The following ARFIP1 variants were observed in gnomAD, a reference collection of about 807,000 sequenced individuals.
The protein encoded by ARFIP1 is arfaptin-1.
ARFIP1 carries 24 observed loss-of-function variants against 42.5 expected under a neutral mutation model. The ratio of observed to expected loss-of-function variants is 0.57; its 90% CI spans 0.41 to 0.80. ARFIP1 has a LOEUF of 0.80. ARFIP1 is among the 30% of genes least tolerant of loss of function. The pLI, the probability that ARFIP1 is intolerant of heterozygous loss-of-function variation, is 0.00. For synonymous variants in ARFIP1, 141 were observed against 153.7 expected, an observed-to-expected ratio of 0.92 and a Z score of 0.61; for missense variants, 354 against 434.0, an observed-to-expected ratio of 0.82 and a Z score of 1.64.
intron 2 of ARFIP1, among the ~76,000 whole-genome samples, chr4:152,849,226 T>C (rs1379214089): frequency 6.6e-6 from 1 of 152,152 alleles, no homozygotes; most frequent in Non-Finnish European, 1.5e-5. Context: ...GTCTTAATTA[T>C]AATCTGAGAG....
At chr4:152,884,301 T>C (rs569260038) in intron 7 of ARFIP1, among the ~76,000 whole-genome samples, 1 of 152,128 alleles carries the variant, frequency 6.6e-6, no homozygotes, top group African/African-American at 2.4e-5. Context: ...AGTCTCAGTG[T>C]AAATCCTTTC....
At chr4:152,838,706 A>G (rs1459707946) in intron 2 of ARFIP1, among the ~76,000 whole-genome samples, 1 of 151,976 alleles carries the variant, frequency 6.6e-6, no homozygotes, top group Non-Finnish European at 1.5e-5. Context: ...TTTCGAGGTA[A>G]ACAATCATAT....
At chr4:152,815,987 G>T (rs901690687) in intron 1 of ARFIP1, among the ~76,000 whole-genome samples, 4 of 151,652 alleles carry the variant, frequency 2.6e-5, no homozygotes, top group Admixed American at 2.6e-4. Context: ...CTCGTGTTCC[G>T]CCCGCCTCAG....
chr4:152,830,467 A>G (rs1489019002), intron 2 of ARFIP1, among the ~76,000 whole-genome samples: 1 of 152,176 alleles, frequency 6.6e-6, no homozygotes, highest in Non-Finnish European at 1.5e-5. Flanking sequence ...ATTCCTTTTT[A>G]TGACATTTGA....
chr4:152,803,780 A>C (rs1475943001), intron 1 of ARFIP1, among the ~76,000 whole-genome samples: 1 of 151,722 alleles, frequency 6.6e-6, no homozygotes, highest in African/African-American at 2.4e-5. Flanking sequence ...GACAGCCCTA[A>C]TGATATAAAT....
At chr4:152,811,204 A>G (rs1578848846) in intron 1 of ARFIP1, among the ~76,000 whole-genome samples, 1 of 147,620 alleles carries the variant, frequency 6.8e-6, no homozygotes, top group Non-Finnish European at 1.5e-5. Context: ...TGTGCCGGCT[A>G]CCCTTCATAA....
chr4:152,853,869 G>A (rs1208325198), intron 2 of ARFIP1, among the ~76,000 whole-genome samples: 3 of 137,974 alleles, frequency 2.2e-5, no homozygotes, highest in African/African-American at 8.1e-5. Context: ...TTCTGATTGG[G>A]TTCTTTCAAA....
At chr4:152,824,805 A>G (rs1324046236) in intron 1 of ARFIP1, among the ~76,000 whole-genome samples, 1 of 152,190 alleles carries the variant, frequency 6.6e-6, no homozygotes, top group Non-Finnish European at 1.5e-5. Context: ...GGACTCCTCC[A>G]GAAGACTCCT....
intron 2 of ARFIP1, 46 bp downstream of exon 2, chr4:152,829,772 C>A: frequency 1.4e-6 from 2 of 1,397,436 alleles, no homozygotes; most frequent in South Asian, 1.4e-5. Context: ...CATGGTAAGT[C>A]TTTAAATGTT....
At chr4:152,853,186 C>T (rs576246541) in intron 2 of ARFIP1, among the ~76,000 whole-genome samples, 47 of 152,246 alleles carry the variant, frequency 3.1e-4, no homozygotes, top group African/African-American at 1.0e-3. Flanking sequence ...GATTGTTTCT[C>T]ATTATGGTTT....
intron 4 of ARFIP1, 85 bp downstream of exon 4, chr4:152,870,933 A>G (rs1734829486): frequency 1.7e-6 from 2 of 1,191,250 alleles, no homozygotes; most frequent in South Asian, 1.3e-5. Context: ...CACTTGCTTT[A>G]TATTCTTAGG....
intron 8 of ARFIP1, among the ~76,000 whole-genome samples, chr4:152,898,929 AT>A (rs1406772343): frequency 3.3e-5 from 5 of 152,190 alleles, no homozygotes; most frequent in Non-Finnish European, 5.9e-5. Flanking sequence ...GTCCTAACAA[AT>A]TTTGATAAGG....
intron 3 of ARFIP1, among the ~76,000 whole-genome samples, chr4:152,867,288 G>A (rs961948455): frequency 8.5e-5 from 13 of 152,206 alleles, no homozygotes; most frequent in Admixed American, 3.3e-4. Flanking sequence ...GCGGTTAGGA[G>A]CTGGTGACCA....
At chr4:152,834,990 A>C (rs1046252713) in intron 2 of ARFIP1, among the ~76,000 whole-genome samples, 12 of 152,202 alleles carry the variant, frequency 7.9e-5, no homozygotes, top group Non-Finnish European at 1.6e-4. Flanking sequence ...GGGCAGCAGC[A>C]TACTGGGTCT....
intron 2 of ARFIP1, among the ~76,000 whole-genome samples, chr4:152,856,518 G>A (rs184937345): frequency 7.0e-4 from 107 of 152,224 alleles, no homozygotes; most frequent in African/African-American, 2.5e-3. Context: ...ATTGTATTTG[G>A]TATTTTAAGT....
intron 3 of ARFIP1, among the ~76,000 whole-genome samples, chr4:152,865,660 G>T (rs186545018): frequency 1.0e-3 from 159 of 152,174 alleles, no homozygotes; most frequent in African/African-American, 3.7e-3. Context: ...AATCACGTCA[G>T]TGTCTTAGTA....
intron 1 of ARFIP1, among the ~76,000 whole-genome samples, chr4:152,811,145 A>G (rs1729430971): frequency 7.5e-6 from 1 of 134,062 alleles, no homozygotes. Context: ...AACATTTACT[A>G]GCACACCCAC....
At chr4:152,877,894 A>G (rs1262881122) in intron 5 of ARFIP1, among the ~76,000 whole-genome samples, 3 of 152,168 alleles carry the variant, frequency 2.0e-5, no homozygotes, top group Non-Finnish European at 2.9e-5. Context: ...GCCTCCCGCT[A>G]TGATTCTGAG....
intron 1 of ARFIP1, chr4:152,796,262 A>C: frequency 9.7e-7 from 1 of 1,030,548 alleles, no homozygotes; most frequent in Non-Finnish European, 1.5e-6. Context: ...AAGTATTGGT[A>C]GGCAAAAGGT....
Sources: allele counts gnomAD v4.1 joint callset (sites outside exome capture counted in the v4.1 genomes callset), GRCh38; gene constraint gnomAD v4.1.1; transcripts MANE v1.5; gene names NCBI Gene and HGNC (gene_info 2026-07-23, HGNC 2026-07-21).